Variants in ERP44 observed in about 807,000 individuals in gnomAD.
ERP44 encodes the protein endoplasmic reticulum protein 44.
Under a neutral mutation model 53.4 loss-of-function variants are expected in ERP44, and 25 were observed. The observed-to-expected ratio is 0.47, with a 90% confidence interval of 0.34 to 0.65. The LOEUF (loss-of-function observed/expected upper bound fraction) is 0.65. Among genes scored for constraint, ERP44 ranks in the 30% least tolerant of loss-of-function variants. The pLI is 0.01. For missense variants in ERP44, 338 were observed against 493.2 expected, an observed-to-expected ratio of 0.69 and a Z score of 2.98; for synonymous variants, 145 against 161.2, an observed-to-expected ratio of 0.90 and a Z score of 0.76.
At chr9:100,097,604 C>G (rs1014654586) in intron 1 of ERP44, among the ~76,000 whole-genome samples, 1 of 152,180 alleles carries the variant, frequency 6.6e-6, no homozygotes, top group Non-Finnish European at 1.5e-5. Context: ...GACACTCTAT[C>G]ATTTAATATT....
At chr9:100,000,748 C>T (rs780312720) in intron 10 of ERP44, among the ~76,000 whole-genome samples, 1 of 151,878 alleles carries the variant, frequency 6.6e-6, no homozygotes, top group Non-Finnish European at 1.5e-5. Context: ...TTTTTTGAGA[C>T]TTCTCTCTTT....
intron 10 of ERP44, among the ~76,000 whole-genome samples, chr9:99,985,302 C>T (rs778706716): frequency 4.6e-5 from 7 of 152,138 alleles, no homozygotes; most frequent in Non-Finnish European, 1.0e-4. Flanking sequence ...CCATGCTTAT[C>T]ATTAAGGCAC....
chr9:100,094,517 G>A (rs1826600369), intron 1 of ERP44, among the ~76,000 whole-genome samples: 1 of 151,988 alleles, frequency 6.6e-6, no homozygotes, highest in South Asian at 2.1e-4. Flanking sequence ...AATTAGCCAG[G>A]CACAGTGGCA....
At chr9:100,088,350 T>G (rs765464676) in intron 1 of ERP44, among the ~76,000 whole-genome samples, 4 of 152,210 alleles carry the variant, frequency 2.6e-5, no homozygotes, top group Non-Finnish European at 4.4e-5. Flanking sequence ...TGAATATGCC[T>G]GGGACACTCC....
At chr9:100,000,903 G>A (rs768864528) in intron 10 of ERP44, among the ~76,000 whole-genome samples, 5 of 151,640 alleles carry the variant, frequency 3.3e-5, no homozygotes, top group African/African-American at 4.8e-5. Context: ...TTTGGGCTTG[G>A]TTTGTTCTTT....
intron 1 of ERP44, among the ~76,000 whole-genome samples, chr9:100,078,433 G>A (rs939736695): frequency 4.0e-5 from 6 of 149,782 alleles, no homozygotes; most frequent in African/African-American, 1.5e-4. Context: ...ACTCCAGCCT[G>A]GGTGACAGAG....
chr9:100,006,918 G>T (rs1327819207), intron 9 of ERP44, among the ~76,000 whole-genome samples: 5 of 152,096 alleles, frequency 3.3e-5, no homozygotes, highest in African/African-American at 7.2e-5. Context: ...CCTTAAATGG[G>T]CAATCATTTA....
At chr9:100,047,378 G>A (rs1418634140) in intron 4 of ERP44, among the ~76,000 whole-genome samples, 1 of 152,148 alleles carries the variant, frequency 6.6e-6, no homozygotes, top group Non-Finnish European at 1.5e-5. Context: ...CAGACATACA[G>A]ACCATGGTAC....
chr9:100,077,395 C>T lies in ERP44; in HGVS notation c.58-17223G>A, dbSNP rs139918230. On this transcript the variant is annotated intron_variant, in intron 1 of 11. Transcript: ENST00000262455. The stretch of plus-strand genomic sequence containing the variant: ...TCGCCTTTTGAAGTCACAATTACAA[C>T]GCCAACTAGGTGACAATACTTTGCA... 7.2e-4 allele frequency among the ~76,000 whole-genome samples: 110 copies of T among 152,312 alleles called. 1 individual carries two copies. Among genetic ancestry groups the T allele is most frequent in the Non-Finnish European group, 1.4e-3 (94 of 68,026 alleles).
At chr9:100,021,579 T>C (rs1201204132) in intron 5 of ERP44, among the ~76,000 whole-genome samples, 1 of 152,216 alleles carries the variant, frequency 6.6e-6, no homozygotes, top group Non-Finnish European at 1.5e-5. Context: ...TTTGCTTTTG[T>C]TGTTTGTTAT....
chr9:100,068,243 G>A (rs1353596309), intron 1 of ERP44, among the ~76,000 whole-genome samples: 2 of 144,640 alleles, frequency 1.4e-5, no homozygotes, highest in Admixed American at 6.8e-5. Flanking sequence ...CGCCCCGTAC[G>A]GAAGGTGAGG....
chr9:100,092,458 G>A (rs866558729), intron 1 of ERP44, among the ~76,000 whole-genome samples: 16 of 152,306 alleles, frequency 1.1e-4, no homozygotes, highest in Admixed American at 4.6e-4. Context: ...ATGTGCTTAC[G>A]TTATAGACAA....
At chr9:99,988,948 G>T (rs1339404600) in intron 10 of ERP44, among the ~76,000 whole-genome samples, 1 of 152,220 alleles carries the variant, frequency 6.6e-6, no homozygotes, top group Non-Finnish European at 1.5e-5. Context: ...GCAGCAGTCC[G>T]AGATGGAACT....
intron 10 of ERP44, among the ~76,000 whole-genome samples, chr9:99,992,914 C>A (rs528049985): frequency 2.8e-4 from 42 of 152,212 alleles, no homozygotes; most frequent in African/African-American, 7.9e-4. Flanking sequence ...CCATTCACAA[C>A]TGCTACAAAG....
At chr9:100,027,797 A>T (rs1401406758) in intron 4 of ERP44, among the ~76,000 whole-genome samples, 1 of 152,158 alleles carries the variant, frequency 6.6e-6, no homozygotes, top group Non-Finnish European at 1.5e-5. Context: ...AAATACAAAG[A>T]GGCAGATCAT....
chr9:99,990,808 G>A (rs1157697017), intron 10 of ERP44, among the ~76,000 whole-genome samples: 1 of 152,078 alleles, frequency 6.6e-6, no homozygotes, highest in Non-Finnish European at 1.5e-5. Flanking sequence ...CAAAATAAAG[G>A]GATGGAGGAA....
At chr9:100,068,551 C>T in intron 1 of ERP44, among the ~76,000 whole-genome samples, 1 of 147,408 alleles carries the variant, frequency 6.8e-6, no homozygotes. Context: ...GCCAGCCGCC[C>T]CGTCGGGGAG....
intron 1 of ERP44, among the ~76,000 whole-genome samples, chr9:100,080,398 T>C (rs1444191404): frequency 3.3e-5 from 5 of 152,108 alleles, no homozygotes; most frequent in African/African-American, 1.2e-4. Context: ...ATACAGCTCA[T>C]CAAGAACATA....
chr9:100,023,442 T>TC (rs1380181972), intron 4 of ERP44, among the ~76,000 whole-genome samples: 1 of 118,802 alleles, frequency 8.4e-6, no homozygotes, highest in East Asian at 5.4e-4. Flanking sequence ...TTTTTTTTTT[T>TC]TTTGAAGACA....
Sources: gnomAD v4.1 joint callset for allele counts (sites outside exome capture counted in the v4.1 genomes callset) on GRCh38, gnomAD v4.1.1 for gene constraint, MANE v1.5 for transcripts, NCBI Gene and HGNC (gene_info 2026-07-23, HGNC 2026-07-21) for gene names.